The following QTMAN variants were observed in gnomAD, a reference collection of about 807,000 sequenced individuals.
QTMAN encodes tRNA-queuosine alpha-mannosyltransferase.
the QTMAN span, among the ~76,000 whole-genome samples, chr2:144,174,166 C>A: frequency 0.014 from 2,106 of 152,270 alleles, 57 homozygotes; most frequent in African/African-American, 0.048. Flanking sequence ...TCAGGTGAAA[C>A]CCTCTACAGA....
the QTMAN span, among the ~76,000 whole-genome samples, chr2:144,104,311 T>A: frequency 6.6e-6 from 1 of 152,084 alleles, no homozygotes; most frequent in Non-Finnish European, 1.5e-5. Flanking sequence ...GGGCGAGGCA[T>A]CCCCTCACCT....
At chr2:144,005,770 A>G in the QTMAN span, 3 of 152,130 alleles carry the variant, frequency 2.0e-5, no homozygotes, top group African/African-American at 7.2e-5. Context: ...TAGTATTGTT[A>G]ATTTTATTAA....
chr2:144,208,792 A>G, the QTMAN span: 2 of 1,574,242 alleles, frequency 1.3e-6, no homozygotes, highest in South Asian at 2.4e-5. Flanking sequence ...TGGCCCATTC[A>G]AACCTTCAGA....
the QTMAN span, among the ~76,000 whole-genome samples, chr2:144,105,803 C>T: frequency 6.6e-6 from 1 of 152,080 alleles, no homozygotes; most frequent in Non-Finnish European, 1.5e-5. Context: ...ACATAATTGT[C>T]AGATTCACCA....
chr2:144,183,709 T>A, the QTMAN span, among the ~76,000 whole-genome samples: 1 of 152,176 alleles, frequency 6.6e-6, no homozygotes, highest in African/African-American at 2.4e-5. Context: ...AAATGTAACT[T>A]TCTTACATTA....
chr2:144,138,179 C>T, the QTMAN span, among the ~76,000 whole-genome samples: 2 of 152,102 alleles, frequency 1.3e-5, no homozygotes, highest in South Asian at 4.2e-4. Context: ...CCCTAGACAA[C>T]TGAAGAATGT....
chr2:144,217,493 A>C, the QTMAN span, among the ~76,000 whole-genome samples: 2 of 152,102 alleles, frequency 1.3e-5, no homozygotes, highest in Non-Finnish European at 2.9e-5. Context: ...AAATGTCACT[A>C]TAAATTAATA....
the QTMAN span, among the ~76,000 whole-genome samples, chr2:144,013,666 T>C: frequency 6.6e-6 from 1 of 152,156 alleles, no homozygotes; most frequent in East Asian, 1.9e-4. Context: ...TGTAGATCCC[T>C]GGATAGAAAC....
the QTMAN span, among the ~76,000 whole-genome samples, chr2:144,130,669 T>C: frequency 6.6e-6 from 1 of 151,936 alleles, no homozygotes; most frequent in Non-Finnish European, 1.5e-5. Context: ...CAATACCTCA[T>C]TTAATTCTCA....
chr2:143,993,475 A>T, the QTMAN span, among the ~76,000 whole-genome samples: 1 of 151,998 alleles, frequency 6.6e-6, no homozygotes, highest in East Asian at 1.9e-4. Flanking sequence ...ATCTTCGAAC[A>T]TCTGGGTGGG....
chr2:144,275,016 C>G, the QTMAN span, among the ~76,000 whole-genome samples: 2 of 151,930 alleles, frequency 1.3e-5, no homozygotes, highest in Non-Finnish European at 2.9e-5. Context: ...ACTGGAAAAT[C>G]TGGTGTTAAC....
the QTMAN span, among the ~76,000 whole-genome samples, chr2:144,153,324 T>TA: frequency 5.9e-5 from 9 of 152,278 alleles, no homozygotes; most frequent in South Asian, 2.1e-4. Context: ...AGTGAGAAGA[T>TA]AAAGAAATAA....
the QTMAN span, among the ~76,000 whole-genome samples, chr2:143,984,325 A>G: frequency 3.5e-4 from 53 of 152,352 alleles, no homozygotes; most frequent in East Asian, 0.01. Flanking sequence ...TGCCAAAGAT[A>G]ATGAAGAACA....
the QTMAN span, among the ~76,000 whole-genome samples, chr2:144,289,376 C>G: frequency 1.4e-4 from 21 of 152,322 alleles, no homozygotes; most frequent in East Asian, 4.1e-3. Context: ...AGTCAGAACC[C>G]TGGCATTATT....
the QTMAN span, among the ~76,000 whole-genome samples, chr2:144,060,393 TG>T: frequency 6.6e-5 from 10 of 152,148 alleles, no homozygotes; most frequent in Non-Finnish European, 1.3e-4. Context: ...CCTGAGTAGC[TG>T]GGATTATAGG....
At chr2:143,948,625 T>G in the QTMAN span, among the ~76,000 whole-genome samples, 1 of 152,094 alleles carries the variant, frequency 6.6e-6, no homozygotes, top group Non-Finnish European at 1.5e-5. Context: ...CAACAGCATT[T>G]AAAAATATAA....
At chr2:144,020,875 T>C in the QTMAN span, among the ~76,000 whole-genome samples, 1 of 148,888 alleles carries the variant, frequency 6.7e-6, no homozygotes, top group Non-Finnish European at 1.5e-5. Context: ...CCAAGAACAA[T>C]AAAGAGTGCT....
At chr2:144,133,523 A>C in the QTMAN span, among the ~76,000 whole-genome samples, 3 of 96,672 alleles carry the variant, frequency 3.1e-5, no homozygotes, top group African/African-American at 1.2e-4. Flanking sequence ...AATATATATA[A>C]ATAAATATAT....
the QTMAN span, among the ~76,000 whole-genome samples, chr2:144,067,718 T>C: frequency 4.6e-5 from 7 of 152,182 alleles, no homozygotes; most frequent in Non-Finnish European, 1.0e-4. Context: ...TTTAAAATGA[T>C]TCAAACAGGA....
Sources: gnomAD v4.1 joint callset for allele counts (sites outside exome capture counted in the v4.1 genomes callset) on GRCh38, gnomAD v4.1.1 for gene constraint, MANE v1.5 for transcripts, NCBI Gene and HGNC (gene_info 2026-07-23, HGNC 2026-07-21) for gene names.